The following PMS1 variants were observed in gnomAD, a reference collection of about 807,000 sequenced individuals.
The protein encoded by PMS1 is PMS1 homolog 1, mismatch repair system component.
In PMS1, 79 loss-of-function variants were observed where a neutral mutation model predicts 93.1. That is an observed-to-expected ratio of 0.85 (90% CI 0.71 to 1.02). The LOEUF (loss-of-function observed/expected upper bound fraction) is 1.02. Ranked by LOEUF, PMS1 falls within the 50% of genes least tolerant of loss-of-function variation. The probability of loss-of-function intolerance (pLI) is 0.00; values close to 1 mark genes in which losing one functional copy is unlikely to be tolerated. For missense variants in PMS1, 1,064 were observed against 1,085.3 expected (o/e 0.98, Z 0.28); for synonymous variants, 335 against 363.4 (o/e 0.92, Z 0.89).
chr2:189,827,570 A>G lies in PMS1; in HGVS notation c.582+9390A>G, dbSNP rs2052545254. ...ATGGTTATGCAGATCTCTTTGACAT[A>G]CTGATTTTCAACCTAAATGCCCATC... On this transcript the variant is annotated intron_variant, in intron 5 of 12. Coordinates refer to ENST00000441310, the MANE Select transcript of PMS1 (RefSeq NM_000534.5). Among the ~76,000 whole-genome samples, 4 of 152,346 alleles carry G rather than the reference A, an allele frequency of 2.6e-5. No homozygotes were observed. The South Asian group carries it at 8.3e-4, about 32-fold the overall frequency.
intron 2 of PMS1, among the ~76,000 whole-genome samples, chr2:189,794,825 G>A (rs1391696922): frequency 2.6e-5 from 4 of 152,104 alleles, no homozygotes; most frequent in African/African-American, 9.7e-5. Flanking sequence ...CATCTGATAT[G>A]ATGGCTCACA....
chr2:189,868,127 A>C (rs545970970), intron 11 of PMS1, among the ~76,000 whole-genome samples, 198 bp downstream of exon 11: 1 of 152,192 alleles, frequency 6.6e-6, no homozygotes, highest in East Asian at 1.9e-4. Context: ...TTTCAGTCCA[A>C]TGCTTTGCAT....
intron 4 of PMS1, among the ~76,000 whole-genome samples, chr2:189,807,449 G>A (rs971290242): frequency 6.6e-6 from 1 of 152,118 alleles, no homozygotes; most frequent in Non-Finnish European, 1.5e-5. Flanking sequence ...CAGTTCTTAC[G>A]AGTTCAAATT....
intron 2 of PMS1, among the ~76,000 whole-genome samples, chr2:189,792,851 G>A (rs1186280469): frequency 3.4e-5 from 5 of 147,852 alleles, no homozygotes; most frequent in South Asian, 2.1e-4. Flanking sequence ...TCGCTTTTTC[G>A]CCCAGGCTGG....
chr2:189,841,170 G>A (rs1575216684), intron 5 of PMS1, among the ~76,000 whole-genome samples: 1 of 152,110 alleles, frequency 6.6e-6, no homozygotes, highest in East Asian at 1.9e-4. Context: ...GTTTCTTTGG[G>A]TGTAACAATT....
chr2:189,829,237 TGAG>T (rs1169277722), intron 5 of PMS1, among the ~76,000 whole-genome samples: 2 of 152,200 alleles, frequency 1.3e-5, no homozygotes, highest in East Asian at 1.9e-4. Context: ...ACGATGTAAA[TGAG>T]GAGATAAGAT....
At chr2:189,836,995 AGAT>A (rs1478775601) in intron 5 of PMS1, among the ~76,000 whole-genome samples, 1 of 152,234 alleles carries the variant, frequency 6.6e-6, no homozygotes, top group East Asian at 1.9e-4. Flanking sequence ...AAAATAAACA[AGAT>A]GATGTTTACA....
rs567649699 is a variant in PMS1, at chr2:189,827,938, G to GTTTGTTTGTTTT, written c.582+9762_582+9763insTTTGTTTTTTTG. 2.8e-3 allele frequency among the ~76,000 whole-genome samples: 432 copies of GTTTGTTTGTTTT among 151,934 alleles called. 1 individual carries two copies. Among genetic ancestry groups the GTTTGTTTGTTTT allele is most frequent in the African/African-American group, 0.01 (416 of 41,432 alleles). ...GTTTTGTTTGTTTGTTTGTTTGTTT[G>GTTTGTTTGTTTT]TTTGAGACAGAGTCTTGCTCTGTCA... On this transcript the variant is annotated intron_variant, in intron 5 of 12. Coordinates refer to ENST00000441310, the MANE Select transcript of PMS1 (RefSeq NM_000534.5).
At chr2:189,870,241 C>T (rs970637214) in intron 11 of PMS1, among the ~76,000 whole-genome samples, 27 of 151,938 alleles carry the variant, frequency 1.8e-4, no homozygotes, top group African/African-American at 6.5e-4. Flanking sequence ...AACTTTGAAT[C>T]AACAGTTTGC....
intron 1 of PMS1, among the ~76,000 whole-genome samples, chr2:189,787,283 A>G (rs5742955): frequency 0.038 from 5,757 of 152,340 alleles, 156 homozygotes; most frequent in African/African-American, 0.067. Flanking sequence ...TTGCGTTAGC[A>G]TAAGAAAGAT....
At chr2:189,814,124 A>G (rs1002884214) in intron 4 of PMS1, among the ~76,000 whole-genome samples, 2 of 152,138 alleles carry the variant, frequency 1.3e-5, no homozygotes, top group African/African-American at 4.8e-5. Context: ...TTTGGCAGTG[A>G]CCTTTTTACT....
At chr2:189,872,723 C>G (rs944732709) in intron 11 of PMS1, among the ~76,000 whole-genome samples, 1 of 152,276 alleles carries the variant, frequency 6.6e-6, no homozygotes, top group South Asian at 2.1e-4. Flanking sequence ...ACCTGTGCCT[C>G]CTGGGATCAA....
intron 4 of PMS1, among the ~76,000 whole-genome samples, chr2:189,809,125 G>T (rs750312916): frequency 6.6e-6 from 1 of 152,100 alleles, no homozygotes; most frequent in Admixed American, 6.6e-5. Flanking sequence ...GTGATTGTGC[G>T]TGTATTAAAA....
intron 9 of PMS1, among the ~76,000 whole-genome samples, chr2:189,858,311 T>C (rs1464336752): frequency 6.6e-6 from 1 of 152,138 alleles, no homozygotes; most frequent in Non-Finnish European, 1.5e-5. Flanking sequence ...GCAGTAGTTA[T>C]GAATATATTG....
In PMS1 at chr2:189,805,953, A is replaced by G. The variant is rs1024300993; in HGVS notation, c.418+199A>G. 5 of 1,488,378 alleles carry G rather than the reference A, an allele frequency of 3.4e-6. No homozygotes were observed. The African/African-American group carries it at 5.7e-5, about 17-fold the overall frequency. 92.2% of individuals were successfully genotyped at this position (1,488,378 alleles called of 1,614,324 possible). On this transcript the variant is annotated intron_variant, in intron 4 of 12. Transcript: ENST00000441310. ...AATATTTAGAATTGTTCTCAAAAGG[A>G]ACTGTATGAGAGACTGGACACTTCC... is the stretch of plus-strand genomic sequence containing the variant.
rs776829529 is a variant in PMS1, at chr2:189,877,330, A to G, written c.2693A>G (p.Gln898Arg). ...ATGTACTTATCAAAAGAGGACATCCAAGACATTATCTACAGAATGAAGCAC... is the reference window on the plus strand; with the variant it reads ...ATGTACTTATCAAAAGAGGACATCCGAGACATTATCTACAGAATGAAGCAC... ...LPMYLSKEDI[Q>R]DIIYRMKHQF... The change falls in exon 13 of 13, where the codon CAA becomes CGA. Residue 898 changes from glutamine (Q) to arginine (R), a missense_variant. Coordinates refer to ENST00000441310, the MANE Select transcript of PMS1 (RefSeq NM_000534.5). 70 of 1,613,220 alleles carry G rather than the reference A, an allele frequency of 4.3e-5. No homozygotes were observed. Among genetic ancestry groups the G allele is most frequent in the Admixed American group, 2.5e-4 (15 of 60,006 alleles).
chr2:189,798,638 G>C (rs898949361), intron 3 of PMS1, among the ~76,000 whole-genome samples: 1 of 151,452 alleles, frequency 6.6e-6, no homozygotes, highest in African/African-American at 2.4e-5. Context: ...CAAAGAGTTT[G>C]TCTTTAAAAT....
chr2:189,864,688 ATATATATATATATATATATATATAT>A (rs1197294633), intron 10 of PMS1, among the ~76,000 whole-genome samples: 7 of 4,498 alleles, frequency 1.6e-3, no homozygotes, highest in South Asian at 0.01. Flanking sequence ...AAAAAAAAAA[ATATATATATATATATATATATATAT>A]ATATATATAT....
chr2:189,850,842 T>C (rs2054631210), intron 6 of PMS1, among the ~76,000 whole-genome samples: 1 of 152,234 alleles, frequency 6.6e-6, no homozygotes, highest in East Asian at 1.9e-4. Flanking sequence ...GTCCCTTTAG[T>C]GTCCCTTGGA....
Sources: gnomAD v4.1 joint callset for allele counts (sites outside exome capture counted in the v4.1 genomes callset) on GRCh38, gnomAD v4.1.1 for gene constraint, MANE v1.5 for transcripts, NCBI Gene and HGNC (gene_info 2026-07-23, HGNC 2026-07-21) for gene names.